MFNG: variants seen among roughly 807,000 people sequenced by gnomAD.
The protein encoded by MFNG is beta-1,3-N-acetylglucosaminyltransferase manic fringe.
A neutral mutation model predicts 34.2 loss-of-function variants in MFNG; 24 were observed. The observed-to-expected ratio is 0.70, with a 90% CI of 0.51 to 0.99. The LOEUF is 0.99. MFNG is among the 50% of genes least tolerant of loss of function. The pLI, the probability that MFNG is intolerant of heterozygous loss-of-function variation, is 0.00. For synonymous variants in MFNG, 158 were observed against 179.2 expected, an observed-to-expected ratio of 0.88 and a Z score of 0.94; for missense variants, 383 against 424.0, an observed-to-expected ratio of 0.90 and a Z score of 0.85.
At chr22:37,480,818 C>T in intron 1 of MFNG, 49 bp from the exon 2 acceptor site, 1 of 1,558,146 alleles carries the variant, frequency 6.4e-7, no homozygotes, top group Non-Finnish European at 8.8e-7. Flanking sequence ...CAAGGGACAC[C>T]CCAGACCAAT....
chr22:37,477,961 G>A (rs953291694), intron 4 of MFNG, among the ~76,000 whole-genome samples: 82 of 152,308 alleles, frequency 5.4e-4, no homozygotes, highest in African/African-American at 1.6e-3. Context: ...CAGGGCTGCC[G>A]TGTAAACCCA....
At position 37,485,183 on chromosome 22, in the gene MFNG, G is replaced by GCACACACACA. The variant is rs112395451; in HGVS notation, c.255+730_255+739dup. Among the ~76,000 whole-genome samples, 17 of 149,904 alleles carry GCACACACACA rather than the reference G, an allele frequency of 1.1e-4. No individual in the cohort carries two copies. The highest frequency in any genetic ancestry group is 3.7e-4 in the African/African-American group (15 of 40,882). On this transcript the variant is annotated intron_variant, in intron 1 of 7. Transcript: ENST00000356998. This position sits in a 1 kb window ranked among gnomAD's most constrained non-coding sequence, Gnocchi z 5.3. ...GCACACTCCAGCTCCGTGCGTGTGA[G>GCACACACACA]CACACACACACACACACACACAATC...
intron 7 of MFNG, among the ~76,000 whole-genome samples, chr22:37,471,231 T>C (rs1921787256): frequency 6.6e-6 from 1 of 152,108 alleles, no homozygotes; most frequent in Non-Finnish European, 1.5e-5. Flanking sequence ...CCCTGCTAAG[T>C]CTCCAAAGGC....
rs1922392488 is a variant in MFNG at position 37,483,480 on chromosome 22, AG to A, written c.255+2442del. On this transcript the variant is annotated intron_variant, in intron 1 of 7. Coordinates refer to ENST00000356998, the MANE Select transcript of MFNG (RefSeq NM_002405.4). The surrounding 1 kb of genome is among the most constrained non-coding windows in gnomAD (Gnocchi z 4.5). ...CTTGGAGCATGGGCCAAATGGGCTGAGGACTGTTTCCCGGTGAAGATCTAGT... is the reference window on the plus strand; with the variant it reads ...CTTGGAGCATGGGCCAAATGGGCTGAGACTGTTTCCCGGTGAAGATCTAGT... 6.6e-6 allele frequency among the ~76,000 whole-genome samples: 1 copy of A among 151,332 alleles called. No homozygotes were observed. The highest frequency in any genetic ancestry group is 1.5e-5 in the Non-Finnish European group (1 of 67,942).
At chr22:37,480,164 C>A in intron 3 of MFNG, 33 bp downstream of exon 3, 1 of 1,557,688 alleles carries the variant, frequency 6.4e-7, no homozygotes, top group Non-Finnish European at 8.8e-7. Flanking sequence ...GGGCCCAGAC[C>A]ACACTTATCC....
intron 4 of MFNG, 134 bp downstream of exon 4, chr22:37,479,211 C>T (rs894585549): frequency 2.1e-5 from 20 of 942,602 alleles, no homozygotes; most frequent in Non-Finnish European, 2.8e-5. Context: ...GGGAAGCTAC[C>T]AGCCCAAACC....
At chr22:37,476,632 G>A (rs1922053819) in intron 5 of MFNG, among the ~76,000 whole-genome samples, 2 of 152,194 alleles carry the variant, frequency 1.3e-5, no homozygotes, top group Non-Finnish European at 2.9e-5. Context: ...GCATTATCAG[G>A]TCCATGTGCC....
chr22:37,473,414 G>A (rs1921894692), intron 6 of MFNG, among the ~76,000 whole-genome samples: 1 of 151,902 alleles, frequency 6.6e-6, no homozygotes, highest in Non-Finnish European at 1.5e-5. Flanking sequence ...GGGCAACAGA[G>A]CGAGACTCTA....
At chr22:37,470,529 C>T (rs1921761084) in intron 7 of MFNG, among the ~76,000 whole-genome samples, 1 of 152,244 alleles carries the variant, frequency 6.6e-6, no homozygotes, top group African/African-American at 2.4e-5. Flanking sequence ...CTACGGCTTA[C>T]ACACTGCTGA....
In MFNG at chr22:37,483,520, G is replaced by A. The variant is rs2284053; in HGVS notation, c.255+2403C>T. ...TGAAGATCTAGTAAGCCTGAATAAA[G>A]CAGGAGAATAGGCACTTTGGGAGGC... On this transcript the variant is annotated intron_variant, in intron 1 of 7. Coordinates refer to ENST00000356998, the MANE Select transcript of MFNG (RefSeq NM_002405.4). This position sits in a 1 kb window ranked among gnomAD's most constrained non-coding sequence, Gnocchi z 4.5. Among the ~76,000 whole-genome samples the A allele has an allele frequency of 0.069, 10,407 of 151,098 alleles. 567 individuals carry two copies. Among genetic ancestry groups the A allele is most frequent in the East Asian group, 0.26 (1,318 of 5,130 alleles).
chr22:37,486,227 C>T lies in MFNG; in HGVS notation c.-50G>A. 6.8e-7 allele frequency: 1 copy of T among 1,467,730 alleles called. No individual in the cohort carries two copies. Among genetic ancestry groups the T allele is most frequent in the Non-Finnish European group, 9.0e-7 (1 of 1,110,828 alleles). 90.9% of individuals were successfully genotyped at this position (1,467,730 alleles called of 1,614,324 possible). On this transcript the variant is annotated 5_prime_UTR_variant, in exon 1 of 8. Transcript: ENST00000356998. ...GCTCAGCCCCCAAATCCCAACCAGACAGGGAGGGGAAGCTGGTCAGGCAGG... is the reference window on the plus strand; with the variant it reads ...GCTCAGCCCCCAAATCCCAACCAGATAGGGAGGGGAAGCTGGTCAGGCAGG...
At position 37,482,443 on chromosome 22, in the gene MFNG, GCACACACACGCACGCATACACACA is replaced by G. The variant is rs1569158505; in HGVS notation, c.256-1698_256-1675del. 2.7e-5 allele frequency among the ~76,000 whole-genome samples: 4 copies of G among 149,700 alleles called. No individual in the cohort carries two copies. The highest frequency in any genetic ancestry group is 2.1e-4 in the South Asian group (1 of 4,710). On this transcript the variant is annotated intron_variant, in intron 1 of 7. Transcript: ENST00000356998. This position sits in a 1 kb window ranked among gnomAD's most constrained non-coding sequence, Gnocchi z 4.1. ...GTCTCTCTCTCTCACACACACACACGCACACACACGCACGCATACACACACACACACACACACGCACGTGCGCAC... is the reference window on the plus strand; with the variant it reads ...GTCTCTCTCTCTCACACACACACACGCACACACACACACGCACGTGCGCAC...
In MFNG at chr22:37,476,899, G is replaced by A. The variant is rs1192520615; in HGVS notation, c.644C>T (p.Ala215Val). 6.2e-7 allele frequency: 1 copy of A among 1,613,766 alleles called. No homozygotes were observed. Among genetic ancestry groups the A allele is most frequent in the Non-Finnish European group, 8.5e-7 (1 of 1,179,780 alleles). ...CCACCCCTGGGTCTCTGCTTACCTG[G>A]CCCACGGAGCCATCTTCAAAGCCAG... ...RKLALKMAPW[A>V]SGSRFMDTSA... The change falls in exon 5 of 8, where the codon GCC (alanine) becomes GTC (valine). Residue 215 changes from alanine (A) to valine (V), a missense_variant. Transcript: ENST00000356998.
At chr22:37,484,971 ATGTGTGTGTG>A (rs71764174) in intron 1 of MFNG, among the ~76,000 whole-genome samples, 1 of 148,474 alleles carries the variant, frequency 6.7e-6, no homozygotes, top group African/African-American at 2.5e-5. Context: ...GAGGGGACCG[ATGTGTGTGTG>A]TGTGTGTGTG....
chr22:37,481,730 T>C (rs1922299761), intron 1 of MFNG, among the ~76,000 whole-genome samples: 1 of 152,188 alleles, frequency 6.6e-6, no homozygotes, highest in Non-Finnish European at 1.5e-5. Context: ...GGCCCAGGAC[T>C]CAGGACAATT....
intron 5 of MFNG, among the ~76,000 whole-genome samples, chr22:37,475,557 G>A (rs777505124): frequency 6.6e-6 from 1 of 152,130 alleles, no homozygotes; most frequent in African/African-American, 2.4e-5. Context: ...CCAGTGCTGA[G>A]GGGAGACAGG....
intron 7 of MFNG, among the ~76,000 whole-genome samples, chr22:37,470,718 G>T (rs1019232952): frequency 1.3e-5 from 2 of 152,196 alleles, no homozygotes; most frequent in South Asian, 2.1e-4. Flanking sequence ...ACTGCAGAAC[G>T]TCAGGGCCAG....
chr22:37,477,814 T>C (rs928632194), intron 4 of MFNG, among the ~76,000 whole-genome samples: 8 of 152,194 alleles, frequency 5.3e-5, no homozygotes, highest in African/African-American at 1.9e-4. Flanking sequence ...CTTGGAGAGA[T>C]GACCTCATTT....
intron 1 of MFNG, chr22:37,484,392 A>G (rs1484649858): frequency 7.6e-6 from 1 of 131,568 alleles, no homozygotes; most frequent in Non-Finnish European, 1.7e-5. Flanking sequence ...AAGTGAGCCA[A>G]AGGGTGAGAG....
Sources: gnomAD v4.1 joint callset for allele counts (sites outside exome capture counted in the v4.1 genomes callset) on GRCh38, gnomAD v4.1.1 for gene constraint, Gnocchi (gnomAD v3.1) non-coding constraint, MANE v1.5 for transcripts, NCBI Gene and HGNC (gene_info 2026-07-23, HGNC 2026-07-21) for gene names.